Variants in ARIH1 observed in about 807,000 individuals in gnomAD.
ARIH1 encodes E3 ubiquitin-protein ligase ARIH1.
In ARIH1, 8 loss-of-function variants were observed where a neutral mutation model predicts 85.0. That is an observed-to-expected ratio of 0.09 (90% CI 0.06 to 0.17). The LOEUF (loss-of-function observed/expected upper bound fraction) is 0.17, where lower values mean the gene tolerates loss of function less well. Among genes scored for constraint, ARIH1 ranks in the 10% least tolerant of loss-of-function variants. ARIH1 has a pLI of 1.00. For synonymous variants in ARIH1, 238 were observed against 253.6 expected, an observed-to-expected ratio of 0.94 and a Z score of 0.59; for missense variants, 311 against 718.1, an observed-to-expected ratio of 0.43 and a Z score of 6.48.
intron 1 of ARIH1, among the ~76,000 whole-genome samples, chr15:72,508,994 C>CTTT (rs34620007): frequency 1.5e-5 from 2 of 137,098 alleles, no homozygotes; most frequent in African/African-American, 5.4e-5. Context: ...GTGCCTGGCC[C>CTTT]TTTTTTTTTT....
chr15:72,517,662 A>G (rs1006788968), intron 1 of ARIH1, among the ~76,000 whole-genome samples: 10 of 152,078 alleles, frequency 6.6e-5, no homozygotes, highest in African/African-American at 2.2e-4. Context: ...GAGCTCAAGC[A>G]GTCAGCCTGC....
chr15:72,496,786 T>TA (rs2063881951), intron 1 of ARIH1: 4 of 985,310 alleles, frequency 4.1e-6, no homozygotes, highest in Non-Finnish European at 4.8e-6. Context: ...ATCTGTCTGT[T>TA]ACAGTGCATA....
At chr15:72,537,891 T>C (rs879256560) in intron 2 of ARIH1, among the ~76,000 whole-genome samples, 2 of 152,256 alleles carry the variant, frequency 1.3e-5, no homozygotes, top group Non-Finnish European at 2.9e-5. Context: ...GTAAACGTTA[T>C]GTGTATATAC....
rs2064292307 is a variant in ARIH1, at chr15:72,580,726, G to T, written c.1216-5G>T. 2 of 1,603,238 alleles carry T rather than the reference G, an allele frequency of 1.2e-6. No individual in the cohort carries two copies. The highest frequency in any genetic ancestry group is 1.3e-5 in the African/African-American group (1 of 74,464). Reference sequence around the variant, plus strand: ...TATATCACCCAATTTTTCTTAATGGGACAGCGATCTAGGGCAGCCCTGCAG... The same window carrying T: ...TATATCACCCAATTTTTCTTAATGGTACAGCGATCTAGGGCAGCCCTGCAG... On this transcript the variant is annotated splice_region_variant and splice_polypyrimidine_tract_variant and intron_variant, in intron 11 of 13. Transcript: ENST00000379887.
intron 3 of ARIH1, among the ~76,000 whole-genome samples, chr15:72,546,456 C>G (rs567974812): frequency 9.3e-4 from 141 of 152,204 alleles, no homozygotes; most frequent in African/African-American, 3.1e-3. Flanking sequence ...TTGGCTTTAG[C>G]GGGAGGTAAG....
In ARIH1 at chr15:72,528,642, G is replaced by A. The variant is rs954398970; in HGVS notation, c.443+10508G>A. 3.9e-5 allele frequency among the ~76,000 whole-genome samples: 6 copies of A among 152,158 alleles called. No homozygotes were observed. The East Asian group carries it at 5.8e-4, about 15-fold the overall frequency. On this transcript the variant is annotated intron_variant, in intron 2 of 13. Transcript: ENST00000379887. The stretch of plus-strand genomic sequence containing the variant: ...ACTGTGGCAGGAAGATCGCTTGAGC[G>A]TAGGAGTTTGAGACTAGCCTGGACA...
intron 1 of ARIH1, among the ~76,000 whole-genome samples, chr15:72,514,411 A>G (rs1441663582): frequency 6.6e-6 from 1 of 152,172 alleles, no homozygotes; most frequent in African/African-American, 2.4e-5. Flanking sequence ...AAAAAATAGT[A>G]AACTCTTTCT....
chr15:72,522,733 T>C (rs1408523146), intron 2 of ARIH1, among the ~76,000 whole-genome samples: 2 of 152,054 alleles, frequency 1.3e-5, no homozygotes, highest in African/African-American at 2.4e-5. Flanking sequence ...ACTGAGAAGA[T>C]ATTTGCAAAA....
At chr15:72,580,463 G>GA in intron 11 of ARIH1, 1 of 418,812 alleles carries the variant, frequency 2.4e-6, no homozygotes, top group East Asian at 4.3e-5. Context: ...GGGATTGCTG[G>GA]ATTCTGTGGT....
chr15:72,509,651 C>T (rs1469511245), intron 1 of ARIH1, among the ~76,000 whole-genome samples: 1 of 152,066 alleles, frequency 6.6e-6, no homozygotes, highest in South Asian at 2.1e-4. Flanking sequence ...TGCAGTGATG[C>T]GATCATAGGT....
At chr15:72,520,839 ATTTT>A (rs138415568) in intron 2 of ARIH1, among the ~76,000 whole-genome samples, 1 of 147,688 alleles carries the variant, frequency 6.8e-6, no homozygotes, top group Non-Finnish European at 1.5e-5. Flanking sequence ...TGATGTTTGA[ATTTT>A]TTTTTTTCTT....
intron 11 of ARIH1, among the ~76,000 whole-genome samples, chr15:72,575,079 C>T (rs1191561683): frequency 6.6e-6 from 1 of 151,960 alleles, no homozygotes; most frequent in Non-Finnish European, 1.5e-5. Flanking sequence ...GCCTGGATGG[C>T]AGAGACCCTA....
At chr15:72,516,494 C>G (rs996603261) in intron 1 of ARIH1, among the ~76,000 whole-genome samples, 1 of 152,168 alleles carries the variant, frequency 6.6e-6, no homozygotes, top group South Asian at 2.1e-4. Flanking sequence ...TCTGTTTTCT[C>G]TACAAATAAA....
intron 1 of ARIH1, among the ~76,000 whole-genome samples, chr15:72,479,514 T>A (rs147443651): frequency 0.018 from 2,717 of 152,120 alleles, 68 homozygotes; most frequent in African/African-American, 0.062. Context: ...GTTCAAGCGA[T>A]TCTCCTGCCT....
Position 72,500,251 on chromosome 15 carries a change from C to T in ARIH1, c.376-17816C>T, listed in dbSNP as rs182967628. On this transcript the variant is annotated intron_variant, in intron 1 of 13. Transcript: ENST00000379887. ...CTGGGACTACAGGCGCACACCACCACGCCCAGCTAATTTTTGTATTTTTAA... is the reference window on the plus strand; with the variant it reads ...CTGGGACTACAGGCGCACACCACCATGCCCAGCTAATTTTTGTATTTTTAA... Among the ~76,000 whole-genome samples, 78 of 152,148 alleles carry T rather than the reference C, an allele frequency of 5.1e-4. No individual in the cohort carries two copies. In the East Asian group the frequency reaches 9.1e-3, roughly 18 times the overall value.
At position 72,597,532 on chromosome 15, in the gene ARIH1, G is replaced by A. The variant is rs1328804405; in HGVS notation, c.*14240G>A. 1 of 151,990 alleles carries A rather than the reference G, an allele frequency of 6.6e-6. No individual in the cohort carries two copies. The highest frequency in any genetic ancestry group is 2.4e-5 in the African/African-American group (1 of 41,342). 9.4% of individuals were successfully genotyped at this position (151,990 alleles called of 1,614,324 possible). On this transcript the variant is annotated 3_prime_UTR_variant, in exon 14 of 14. Transcript: ENST00000379887. ...GAATGCCCACAATGCCTAGGGGATG[G>A]GTTTCTCAGCATTTCTGACCCCATT...
chr15:72,486,887 G>A (rs1236085200), intron 1 of ARIH1, among the ~76,000 whole-genome samples: 1 of 151,088 alleles, frequency 6.6e-6, no homozygotes, highest in Non-Finnish European at 1.5e-5. Context: ...TAGAGACAGG[G>A]TTTCACCATG....
intron 2 of ARIH1, among the ~76,000 whole-genome samples, chr15:72,540,476 A>C (rs1394964252): frequency 6.6e-6 from 1 of 152,138 alleles, no homozygotes; most frequent in Non-Finnish European, 1.5e-5. Flanking sequence ...TTGTGGAGTC[A>C]GGGGTGAATG....
intron 1 of ARIH1, among the ~76,000 whole-genome samples, chr15:72,515,701 C>G (rs2063972017): frequency 6.6e-6 from 1 of 152,176 alleles, no homozygotes; most frequent in South Asian, 2.1e-4. Flanking sequence ...GCATTTGCCC[C>G]TCCCATTCCC....
Sources: gnomAD v4.1 joint callset for allele counts (sites outside exome capture counted in the v4.1 genomes callset) on GRCh38, gnomAD v4.1.1 for gene constraint, MANE v1.5 for transcripts, NCBI Gene and HGNC (gene_info 2026-07-23, HGNC 2026-07-21) for gene names.